The following NCAM2 variants were observed in gnomAD, a reference collection of about 807,000 sequenced individuals.
NCAM2 encodes N-CAM-2.
In NCAM2, 30 loss-of-function variants were observed where a neutral mutation model predicts 98.1. The observed-to-expected ratio is 0.31, with a 90% confidence interval of 0.23 to 0.41. The LOEUF is 0.41. NCAM2 is among the 10% of genes least tolerant of loss of function. The probability of loss-of-function intolerance (pLI) is 1.00; values close to 1 mark genes in which losing one functional copy is unlikely to be tolerated. For synonymous variants in NCAM2, 368 were observed against 342.4 expected, an observed-to-expected ratio of 1.07 and a Z score of -0.83; for missense variants, 867 against 1,005.8, an observed-to-expected ratio of 0.86 and a Z score of 1.87.
intron 9 of NCAM2, among the ~76,000 whole-genome samples, chr21:21,377,455 A>T (rs971746216): frequency 1.3e-5 from 2 of 151,866 alleles, no homozygotes; most frequent in African/African-American, 4.8e-5. Flanking sequence ...TTACTTTATT[A>T]TCTTTGAAAT....
intron 11 of NCAM2, among the ~76,000 whole-genome samples, chr21:21,423,593 C>T (rs1366938065): frequency 6.6e-6 from 1 of 151,844 alleles, no homozygotes; most frequent in Admixed American, 6.6e-5. Flanking sequence ...TTATTTTTTT[C>T]CATTTAGGAG....
intron 12 of NCAM2, among the ~76,000 whole-genome samples, chr21:21,455,210 C>CAAAAAAAAA (rs5842926): frequency 1.0e-5 from 1 of 95,456 alleles, no homozygotes. Flanking sequence ...AACCTATTGG[C>CAAAAAAAAA]AAAAAAAAAA....
intron 9 of NCAM2, among the ~76,000 whole-genome samples, chr21:21,376,496 A>G (rs2076034850): frequency 6.6e-6 from 1 of 151,850 alleles, no homozygotes; most frequent in Admixed American, 6.6e-5. Context: ...GAGAATGAAT[A>G]AAATATCAAA....
chr21:21,016,418 CA>C (rs2064310190), intron 1 of NCAM2, among the ~76,000 whole-genome samples: 1 of 123,446 alleles, frequency 8.1e-6, no homozygotes, highest in Non-Finnish European at 1.7e-5. Context: ...TATGATTCTC[CA>C]AACTTTTGAG....
intron 1 of NCAM2, among the ~76,000 whole-genome samples, chr21:21,277,819 G>T (rs1265014791): frequency 6.6e-6 from 1 of 151,992 alleles, no homozygotes; most frequent in Non-Finnish European, 1.5e-5. Flanking sequence ...AGGCAAAAGT[G>T]AGAAAAAATA....
chr21:21,301,194 A>G (rs2073698956), intron 5 of NCAM2, among the ~76,000 whole-genome samples: 1 of 151,948 alleles, frequency 6.6e-6, no homozygotes, highest in Non-Finnish European at 1.5e-5. Context: ...TTGTCTGTTT[A>G]TTCTATTGAT....
chr21:21,158,085 G>T (rs1483315071), intron 1 of NCAM2, among the ~76,000 whole-genome samples: 1 of 152,116 alleles, frequency 6.6e-6, no homozygotes, highest in Non-Finnish European at 1.5e-5. Flanking sequence ...TGAAATAGTT[G>T]TTGAACTGCA....
chr21:21,206,765 C>T (rs2069452671), intron 1 of NCAM2, among the ~76,000 whole-genome samples: 1 of 152,076 alleles, frequency 6.6e-6, no homozygotes, highest in South Asian at 2.1e-4. Flanking sequence ...GAAAATGTAA[C>T]TATTTTTGTA....
At chr21:21,201,307 A>C (rs1269633794) in intron 1 of NCAM2, among the ~76,000 whole-genome samples, 1 of 152,222 alleles carries the variant, frequency 6.6e-6, no homozygotes, top group Non-Finnish European at 1.5e-5. Flanking sequence ...CCCCAAGATC[A>C]TGATTTTCAG....
intron 16 of NCAM2, among the ~76,000 whole-genome samples, chr21:21,522,179 TATGA>T (rs1305712245): frequency 1.4e-5 from 2 of 148,004 alleles, no homozygotes; most frequent in Non-Finnish European, 3.0e-5. Context: ...TATGAATATA[TATGA>T]ATGAATGCTA....
intron 9 of NCAM2, among the ~76,000 whole-genome samples, chr21:21,387,178 A>G (rs934241032): frequency 1.6e-4 from 11 of 70,696 alleles, no homozygotes; most frequent in Non-Finnish European, 2.3e-4. Context: ...CTTGGTGCGC[A>G]CACACACATA....
chr21:21,150,281 A>G (rs1280090156), intron 1 of NCAM2, among the ~76,000 whole-genome samples: 1 of 152,126 alleles, frequency 6.6e-6, no homozygotes, highest in Non-Finnish European at 1.5e-5. Flanking sequence ...TGAGTTGCTT[A>G]CAAATTATTT....
intron 16 of NCAM2, among the ~76,000 whole-genome samples, chr21:21,522,777 G>A (rs926226898): frequency 6.6e-6 from 1 of 151,524 alleles, no homozygotes; most frequent in African/African-American, 2.4e-5. Context: ...GATTACAGGC[G>A]TGTGCCACCA....
At chr21:21,264,137 C>G (rs1317395656) in intron 1 of NCAM2, among the ~76,000 whole-genome samples, 1 of 151,936 alleles carries the variant, frequency 6.6e-6, no homozygotes, top group Non-Finnish European at 1.5e-5. Context: ...GGAACTTAAA[C>G]AAATCAACAA....
intron 2 of NCAM2, among the ~76,000 whole-genome samples, chr21:21,283,607 T>C (rs1321986553): frequency 6.6e-6 from 1 of 151,954 alleles, no homozygotes; most frequent in Non-Finnish European, 1.5e-5. Flanking sequence ...GAAAAGAGAT[T>C]AGGACATCAT....
chr21:21,381,469 T>A (rs1410618471), intron 9 of NCAM2, among the ~76,000 whole-genome samples: 1 of 152,194 alleles, frequency 6.6e-6, no homozygotes, highest in Non-Finnish European at 1.5e-5. Context: ...TATTTGATTT[T>A]AATTTATATA....
intron 1 of NCAM2, among the ~76,000 whole-genome samples, chr21:21,150,957 T>A (rs1156562235): frequency 1.4e-5 from 2 of 139,988 alleles, no homozygotes; most frequent in Non-Finnish European, 3.1e-5. Flanking sequence ...GCTAACTTTT[T>A]TTTGTGGGAA....
chr21:21,499,151 G>T (rs1161725627), intron 15 of NCAM2, among the ~76,000 whole-genome samples: 1 of 152,170 alleles, frequency 6.6e-6, no homozygotes, highest in East Asian at 1.9e-4. Flanking sequence ...TGTTGATTCT[G>T]GCCACAGTAA....
chr21:21,152,903 C>T (rs956452211), intron 1 of NCAM2, among the ~76,000 whole-genome samples: 9 of 151,952 alleles, frequency 5.9e-5, no homozygotes, highest in African/African-American at 2.2e-4. Flanking sequence ...CTTTAGCCAT[C>T]TTAACTCCTG....
Sources: allele counts gnomAD v4.1 joint callset (sites outside exome capture counted in the v4.1 genomes callset), GRCh38; gene constraint gnomAD v4.1.1; transcripts MANE v1.5; gene names NCBI Gene and HGNC (gene_info 2026-07-23, HGNC 2026-07-21).